SLC5A7: variants seen among roughly 807,000 people sequenced by gnomAD.
SLC5A7 encodes the protein solute carrier family 5 member 7.
A neutral mutation model predicts 55.4 loss-of-function variants in SLC5A7; 19 were observed. The observed-to-expected ratio is 0.34, with a 90% CI of 0.24 to 0.50. The LOEUF (loss-of-function observed/expected upper bound fraction) is 0.50, where lower values mean the gene tolerates loss of function less well. Among genes scored for constraint, SLC5A7 ranks in the 20% least tolerant of loss-of-function variants. The pLI is 0.98. For missense variants in SLC5A7, 506 were observed against 705.3 expected (o/e 0.72, Z 3.20); for synonymous variants, 265 against 263.7 (o/e 1.00, Z -0.05).
intron 6 of SLC5A7, among the ~76,000 whole-genome samples, chr2:108,004,336 G>C (rs1464917440): frequency 6.6e-6 from 1 of 152,154 alleles, no homozygotes; most frequent in Non-Finnish European, 1.5e-5. Flanking sequence ...GAAGAATATA[G>C]ACTTCAGGAA....
intron 6 of SLC5A7, 102 bp downstream of exon 6, chr2:108,002,142 T>C: frequency 3.7e-6 from 5 of 1,359,016 alleles, no homozygotes; most frequent in South Asian, 2.8e-5. Flanking sequence ...GCTTGTGGGC[T>C]CATGGCCATT....
intron 4 of SLC5A7, among the ~76,000 whole-genome samples, chr2:107,994,794 C>T (rs773817961): frequency 6.6e-6 from 1 of 152,020 alleles, no homozygotes; most frequent in Non-Finnish European, 1.5e-5. Context: ...ATTTTAAGAA[C>T]AAATTACCTG....
Position 108,006,992 on chromosome 2 carries a change from A to G in SLC5A7, c.895+790A>G, listed in dbSNP as rs564501678. Among the ~76,000 whole-genome samples the G allele has an allele frequency of 2.6e-4, 40 of 152,300 alleles. No individual in the cohort carries two copies. In the South Asian group the frequency reaches 4.8e-3, roughly 18 times the overall value. ...ATAACTTATTAAAAAATGGTTTTGAAAAAAGAGCATTATGAAATGTTTATC... is the reference window on the plus strand; with the variant it reads ...ATAACTTATTAAAAAATGGTTTTGAGAAAAGAGCATTATGAAATGTTTATC... On this transcript the variant is annotated intron_variant, in intron 7 of 8. Coordinates refer to ENST00000264047, the MANE Select transcript of SLC5A7 (RefSeq NM_021815.5).
intron 6 of SLC5A7, among the ~76,000 whole-genome samples, chr2:108,005,318 G>C (rs974413918): frequency 6.6e-6 from 1 of 152,132 alleles, no homozygotes; most frequent in Admixed American, 6.6e-5. Context: ...CATGATTGGA[G>C]TGTATAAATA....
chr2:108,004,125 A>G (rs184922054), intron 6 of SLC5A7, among the ~76,000 whole-genome samples: 15 of 152,288 alleles, frequency 9.8e-5, no homozygotes, highest in Non-Finnish European at 1.5e-4. Flanking sequence ...TAGGAGGACA[A>G]ATATTCAGTC....
chr2:108,000,260 G>A (rs558272144), intron 5 of SLC5A7, among the ~76,000 whole-genome samples: 1 of 151,920 alleles, frequency 6.6e-6, no homozygotes, highest in African/African-American at 2.4e-5. Context: ...TTAGTATTGG[G>A]CCCATCTTTG....
chr2:108,001,166 C>T (rs1677877016), intron 5 of SLC5A7, among the ~76,000 whole-genome samples: 2 of 151,932 alleles, frequency 1.3e-5, no homozygotes, highest in South Asian at 4.2e-4. Context: ...CCCACCCACA[C>T]ACAAGGGGAT....
At chr2:107,996,428 T>C (rs1558863083) in intron 4 of SLC5A7, among the ~76,000 whole-genome samples, 1 of 152,202 alleles carries the variant, frequency 6.6e-6, no homozygotes, top group Non-Finnish European at 1.5e-5. Context: ...ACTGATATTT[T>C]GGATCAACAC....
At position 108,010,250 on chromosome 2, in the gene SLC5A7, G is replaced by A. The variant is rs763020957; in HGVS notation, c.1132G>A (p.Val378Ile). 1.8e-5 allele frequency: 29 copies of A among 1,613,358 alleles called. No individual in the cohort carries two copies. Among genetic ancestry groups the A allele is most frequent in the South Asian group, 6.6e-5 (6 of 91,032 alleles). The stretch of plus-strand genomic sequence containing the variant: ...CTTACAGGCTTCGGACAAAGAAATC[G>A]TTTGGGTTATGCGAATCACAGTGTT... ...FRQNASDKEI[V>I]WVMRITVFVF... The change falls in exon 9 of 9, where the codon GTT becomes ATT. Residue 378 changes from valine (V) to isoleucine (I), a missense_variant. Physicochemically the swap from Val to Ile is conservative, Grantham distance 29. Transcript: ENST00000264047.
At position 107,995,466 on chromosome 2, in the gene SLC5A7, A is replaced by AGT. The variant is rs1428541581; in HGVS notation, c.448+2340_448+2341insTG. Among the ~76,000 whole-genome samples the AGT allele has an allele frequency of 8.1e-3, 1,035 of 127,376 alleles. 9 individuals are homozygous for AGT. Among genetic ancestry groups the AGT allele is most frequent in the African/African-American group, 0.026 (866 of 33,890 alleles). The allele number at this position is 127,376 out of a possible 152,430, so 83.6% of individuals were successfully genotyped here. A position where few individuals can be genotyped will look rare whatever the true frequency, so the allele number is the denominator to read the frequency against. ...TTGGGAGAGAGAGAGAGAGAGAGAG[A>AGT]GAGAGTGTGTGTGTGTGTGTGTGTG... On this transcript the variant is annotated intron_variant, in intron 4 of 8. Transcript: ENST00000264047.
chr2:107,998,722 C>T (rs549703213), intron 5 of SLC5A7, among the ~76,000 whole-genome samples: 67 of 152,146 alleles, frequency 4.4e-4, no homozygotes, highest in Non-Finnish European at 8.5e-4. Context: ...TACATTATCT[C>T]ACCATACACA....
At chr2:107,999,104 C>T (rs568841426) in intron 5 of SLC5A7, among the ~76,000 whole-genome samples, 3 of 152,268 alleles carry the variant, frequency 2.0e-5, no homozygotes, top group Admixed American at 6.5e-5. Flanking sequence ...TCTCCTTAGA[C>T]ATTTTATTTG....
In SLC5A7 at chr2:108,011,013, G is replaced by A. The variant is rs949288831; in HGVS notation, c.*152G>A. On this transcript the variant is annotated 3_prime_UTR_variant, in exon 9 of 9. Transcript: ENST00000264047. ...ATAAAGTGCAATTGCACAAATACAA[G>A]CCAAGCTAGAAGGAAGCACCTATGA... The A allele has an allele frequency of 6.4e-6, 5 of 779,800 alleles. No homozygotes were observed. Among genetic ancestry groups the A allele is most frequent in the Non-Finnish European group, 9.1e-6 (5 of 547,594 alleles). 48.3% of individuals were successfully genotyped at this position (779,800 alleles called of 1,614,324 possible).
At position 107,995,462 on chromosome 2, in the gene SLC5A7, A is replaced by AGT. The variant is rs1265286737; in HGVS notation, c.448+2336_448+2337insTG. ...CTCTTTGGGAGAGAGAGAGAGAGAG[A>AGT]GAGAGAGAGTGTGTGTGTGTGTGTG... On this transcript the variant is annotated intron_variant, in intron 4 of 8. Transcript: ENST00000264047. Among the ~76,000 whole-genome samples, 361 of 127,764 alleles carry AGT rather than the reference A, an allele frequency of 2.8e-3. 2 individuals are homozygous for AGT. The highest frequency in any genetic ancestry group is 7.1e-3 in the African/African-American group (259 of 36,512). 83.8% of individuals were successfully genotyped at this position (127,764 alleles called of 152,430 possible).
At position 107,999,097 on chromosome 2, in the gene SLC5A7, C is replaced by G. The variant is rs114772026; in HGVS notation, c.597+1111C>G. Among the ~76,000 whole-genome samples, 1,299 of 152,244 alleles carry G rather than the reference C, an allele frequency of 8.5e-3. 16 individuals carry two copies. The highest frequency in any genetic ancestry group is 0.029 in the African/African-American group (1,198 of 41,552). Reference sequence around the variant, plus strand: ...AAGATTATAGTATTTTCTCTTTTCTCCTTAGACATTTTATTTGCATTTCAT... The same window carrying G: ...AAGATTATAGTATTTTCTCTTTTCTGCTTAGACATTTTATTTGCATTTCAT... On this transcript the variant is annotated intron_variant, in intron 5 of 8. Coordinates refer to ENST00000264047, the MANE Select transcript of SLC5A7 (RefSeq NM_021815.5).
chr2:108,007,986 A>G (rs1219634790), intron 7 of SLC5A7, among the ~76,000 whole-genome samples: 1 of 152,208 alleles, frequency 6.6e-6, no homozygotes, highest in Non-Finnish European at 1.5e-5. Context: ...ATGTGGAAAT[A>G]GGAGAAAAGT....
chr2:108,001,209 A>ATGTGTGTG (rs141690168), intron 5 of SLC5A7, among the ~76,000 whole-genome samples: 15 of 150,046 alleles, frequency 1.0e-4, no homozygotes, highest in South Asian at 4.2e-4. Flanking sequence ...CTATTTATGT[A>ATGTGTGTG]TGTGTGTGTG....
Position 108,011,518 on chromosome 2 carries a change from G to A in SLC5A7, c.*657G>A, listed in dbSNP as rs1007574736. Reference sequence around the variant, plus strand: ...TGATAGGAAAACTGAATCCATCTTTGTAGAAGAGCACTGGGCTAATTTGTA... The same window carrying A: ...TGATAGGAAAACTGAATCCATCTTTATAGAAGAGCACTGGGCTAATTTGTA... On this transcript the variant is annotated 3_prime_UTR_variant, in exon 9 of 9. Coordinates refer to ENST00000264047, the MANE Select transcript of SLC5A7 (RefSeq NM_021815.5). 1.3e-5 allele frequency: 2 copies of A among 152,128 alleles called. No individual in the cohort carries two copies. Among genetic ancestry groups the A allele is most frequent in the African/African-American group, 4.8e-5 (2 of 41,432 alleles). The allele number at this position is 152,128 out of a possible 1,614,324, so 9.4% of individuals were successfully genotyped here.
chr2:108,010,363 C>A lies in SLC5A7; in HGVS notation c.1245C>A (p.Ile415=), dbSNP rs149442049. The A allele has an allele frequency of 1.2e-6, 2 of 1,613,898 alleles. No individual in the cohort carries two copies. The highest frequency in any genetic ancestry group is 1.7e-6 in the Non-Finnish European group (2 of 1,179,914). The change falls in exon 9 of 9, where the codon ATC becomes ATA. Residue 415 remains isoleucine, a synonymous_variant. Coordinates refer to ENST00000264047, the MANE Select transcript of SLC5A7 (RefSeq NM_021815.5). ...ACCTCAGTTCTGACCTTGTTTACAT[C>A]GTTATCTTCCCCCAGCTGCTTTGTG... ...LWYLSSDLVY[I]VIFPQLLCVL...
Sources: gnomAD v4.1 joint callset for allele counts (sites outside exome capture counted in the v4.1 genomes callset) on GRCh38, gnomAD v4.1.1 for gene constraint, MANE v1.5 for transcripts, NCBI Gene and HGNC (gene_info 2026-07-23, HGNC 2026-07-21) for gene names.